The following PLCG1 variants were observed in gnomAD, a reference collection of about 807,000 sequenced individuals.
PLCG1 encodes 1-phosphatidylinositol 4,5-bisphosphate phosphodiesterase gamma-1.
In PLCG1, 71 loss-of-function variants were observed where a neutral mutation model predicts 177.8. The observed-to-expected ratio is 0.40, with a 90% confidence interval of 0.33 to 0.49. The LOEUF is 0.49. Ranked by LOEUF, PLCG1 falls within the 20% of genes least tolerant of loss-of-function variation. PLCG1 has a pLI of 0.72. For missense variants in PLCG1, 1,281 were observed against 1,709.0 expected (o/e 0.75, Z 4.42); for synonymous variants, 658 against 647.9 (o/e 1.02, Z -0.24).
At position 41,167,235 on chromosome 20, in the gene PLCG1, G is replaced by A. The variant is rs377006569; in HGVS notation, c.2301+376G>A. ...ACCCAAGAGTGGTTGTGGAGCCTCC[G>A]CCTGGTGGATGGTATGGAGGGCAGA... On this transcript the variant is annotated intron_variant, in intron 19 of 31. Coordinates refer to ENST00000685551, the MANE Select transcript of PLCG1 (RefSeq NM_002660.3). The surrounding 1 kb of genome is among the most constrained non-coding windows in gnomAD (Gnocchi z 4.4). 5.1e-4 allele frequency among the ~76,000 whole-genome samples: 77 copies of A among 152,296 alleles called. 1 individual carries two copies. Among genetic ancestry groups the A allele is most frequent in the East Asian group, 4.8e-3 (25 of 5,184 alleles).
chr20:41,172,208 A>G lies in PLCG1; in HGVS notation c.2824A>G (p.Ile942Val), dbSNP rs946321439. The G allele has an allele frequency of 1.2e-6, 2 of 1,613,736 alleles. No individual in the cohort carries two copies. Among genetic ancestry groups the G allele is most frequent in the Non-Finnish European group, 8.5e-7 (1 of 1,179,586 alleles). Reference protein sequence around the residue: ...TADARLTEGKIMERRKKIALE... With the variant: ...TADARLTEGKVMERRKKIALE... ...GTGTCACCAGCTCACTGAAGGGAAGATAATGGAACGGAGGAAGAAGATTGC... is the reference window on the plus strand; with the variant it reads ...GTGTCACCAGCTCACTGAAGGGAAGGTAATGGAACGGAGGAAGAAGATTGC... The change falls in exon 25 of 32, where the codon ATA (isoleucine) becomes GTA (valine). Residue 942 changes from isoleucine (I) to valine (V), a missense_variant. This residue lies in a region of PLCG1 where 723 missense variants were observed against 1,030.0 expected (regional missense o/e 0.70). Coordinates refer to ENST00000685551, the MANE Select transcript of PLCG1 (RefSeq NM_002660.3). The surrounding 1 kb of genome is among the most constrained non-coding windows in gnomAD (Gnocchi z 7.0).
In PLCG1 at chr20:41,165,458, T is replaced by G; in HGVS notation, c.1518T>G (p.Tyr506Ter). ...TCTTTGGTCTGTTCCAGGAATGGTA[T>G]CCCCACTACTTTGTTCTGACCAGCA... The part of the protein sequence containing the change: ...YLEDPVNHEW[Y>*]PHYFVLTSSK... The change falls in exon 15 of 32, where the codon TAT becomes TAG. Residue 506 changes from tyrosine to a stop codon, truncating the protein, a stop_gained. Transcript: ENST00000685551. LOFTEE classifies it high-confidence loss of function. This position sits in a 1 kb window ranked among gnomAD's most constrained non-coding sequence, Gnocchi z 6.6. 1 of 1,613,974 alleles carries G rather than the reference T, an allele frequency of 6.2e-7. No individual in the cohort carries two copies. The highest frequency in any genetic ancestry group is 8.5e-7 in the Non-Finnish European group (1 of 1,179,930).
rs1200925607 is a variant in PLCG1 at position 41,160,832 on chromosome 20, T to C, written c.512+679T>C. Among the ~76,000 whole-genome samples the C allele has an allele frequency of 2.0e-5, 3 of 152,162 alleles. No individual in the cohort carries two copies. Among genetic ancestry groups the C allele is most frequent in the Non-Finnish European group, 2.9e-5 (2 of 68,014 alleles). On this transcript the variant is annotated intron_variant, in intron 4 of 31. Transcript: ENST00000685551. The surrounding 1 kb of genome is among the most constrained non-coding windows in gnomAD (Gnocchi z 5.5). ...GGGGTGTGAGAGGCATTGAGGATAATAGTATGCTGTTTGGCTTGAGCAACT... is the reference window on the plus strand; with the variant it reads ...GGGGTGTGAGAGGCATTGAGGATAACAGTATGCTGTTTGGCTTGAGCAACT...
rs115790993 is a variant in PLCG1 at position 41,168,059 on chromosome 20, G to A, written c.2379+130G>A. The A allele has an allele frequency of 2.2e-3, 1,561 of 702,558 alleles. 22 individuals carry two copies. In the African/African-American group the frequency reaches 0.025, roughly 11 times the overall value. 43.5% of individuals were successfully genotyped at this position (702,558 alleles called of 1,614,324 possible). ...GGTTGTGGTTTTCCGAGGCCCAAGAGGTTGTGAGAGATGTGTGGTTGGTGA... is the reference window on the plus strand; with the variant it reads ...GGTTGTGGTTTTCCGAGGCCCAAGAAGTTGTGAGAGATGTGTGGTTGGTGA... On this transcript the variant is annotated intron_variant, in intron 20 of 31. Transcript: ENST00000685551.
Position 41,166,299 on chromosome 20 carries a change from C to T in PLCG1, c.1905C>T (p.Leu635=), listed in dbSNP as rs751430069. 6 of 1,614,090 alleles carry T rather than the reference C, an allele frequency of 3.7e-6. No individual in the cohort carries two copies. In the East Asian group the frequency reaches 1.3e-4, roughly 36 times the overall value. Residue 635 remains leucine, a synonymous_variant, in exon 17 of 32, where the codon CTC becomes CTT. Coordinates refer to ENST00000685551, the MANE Select transcript of PLCG1 (RefSeq NM_002660.3). This position sits in a 1 kb window ranked among gnomAD's most constrained non-coding sequence, Gnocchi z 8.6. ...DNLVFDSLYD[L]ITHYQQVPLR... ...TCGTCTTTGACTCCCTCTATGACCT[C>T]ATCACGCACTACCAGCAGGTGCCCC... is the stretch of plus-strand genomic sequence containing the variant.
rs3795130 is a variant in PLCG1 at position 41,141,396 on chromosome 20, G to T, written c.217+3538G>T. On this transcript the variant is annotated intron_variant, in intron 1 of 31. Transcript: ENST00000685551. The stretch of plus-strand genomic sequence containing the variant: ...GATGAAGAGGGTGAGGGTGGCGGAA[G>T]AAAACAGCTAACTGCCTTGATGAGG... Among the ~76,000 whole-genome samples, 205 of 152,388 alleles carry T rather than the reference G, an allele frequency of 1.3e-3. 3 individuals carry two copies. The East Asian group carries it at 0.03, about 23-fold the overall frequency.
chr20:41,162,907 C>G, intron 6 of PLCG1, 51 bp from the exon 7 acceptor site: 3 of 1,572,734 alleles, frequency 1.9e-6, no homozygotes, highest in Non-Finnish European at 2.6e-6. Context: ...TAGCCCATTT[C>G]CCACATGGCC....
Position 41,167,179 on chromosome 20 carries a change from G to T in PLCG1, c.2301+320G>T, listed in dbSNP as rs1348989559. On this transcript the variant is annotated intron_variant, in intron 19 of 31. Coordinates refer to ENST00000685551, the MANE Select transcript of PLCG1 (RefSeq NM_002660.3). The surrounding 1 kb of genome is among the most constrained non-coding windows in gnomAD (Gnocchi z 4.4). ...AACTCATCCACCTGGGCTTGGCCTG[G>T]ACTCTGTCCTAGGGCAGATGAGATG... Among the ~76,000 whole-genome samples the T allele has an allele frequency of 3.3e-5, 5 of 152,156 alleles. No individual in the cohort carries two copies. The highest frequency in any genetic ancestry group is 1.9e-4 in the East Asian group (1 of 5,192).
intron 22 of PLCG1, 49 bp from the exon 23 acceptor site, chr20:41,169,408 C>T: frequency 1.4e-6 from 2 of 1,394,298 alleles, no homozygotes; most frequent in East Asian, 2.3e-5. Context: ...TCCCCTCACA[C>T]ACATATGCAG....
rs763845243 is a variant in PLCG1 at position 41,159,690 on chromosome 20, C to T, written c.302C>T (p.Pro101Leu). Residue 101 changes from proline (P) to leucine (L), a missense_variant, in exon 2 of 32, where the codon CCG (proline) becomes CTG (leucine). Around this residue, in one of 4 missense-constraint regions of PLCG1, gnomAD observed 374 missense variants for 443.8 expected, o/e 0.84. Transcript: ENST00000685551. This position sits in a 1 kb window ranked among gnomAD's most constrained non-coding sequence, Gnocchi z 6.0. ...TATCAAGAGGACCCAGCTTTCCGGC[C>T]GGACCAGTCACATTGCTTTGTCATT... The part of the protein sequence containing the change: ...DRYQEDPAFR[P>L]DQSHCFVILY... The T allele has an allele frequency of 4.3e-6, 7 of 1,614,188 alleles. No individual in the cohort carries two copies. The highest frequency in any genetic ancestry group is 1.7e-5 in the Admixed American group (1 of 60,028).
Position 41,159,852 on chromosome 20 carries a change from T to C in PLCG1, c.371-18T>C, listed in dbSNP as rs1298775165. The C allele has an allele frequency of 6.2e-7, 1 of 1,613,630 alleles. No individual in the cohort carries two copies. Among genetic ancestry groups the C allele is most frequent in the Non-Finnish European group, 8.5e-7 (1 of 1,179,634 alleles). Reference sequence around the variant, plus strand: ...GAGGTATGTGCCCTCGGGGCAGCTATTGATACCTTGCTCACAGCCACATCT... The same window carrying C: ...GAGGTATGTGCCCTCGGGGCAGCTACTGATACCTTGCTCACAGCCACATCT... On this transcript the variant is annotated intron_variant, in intron 2 of 31. Transcript: ENST00000685551. This position sits in a 1 kb window ranked among gnomAD's most constrained non-coding sequence, Gnocchi z 6.0.
Position 41,166,609 on chromosome 20 carries a change from C to T in PLCG1, c.2120+14C>T. The stretch of plus-strand genomic sequence containing the variant: ...CATCTCTTTCCGGTGAGGGGTGTGG[C>T]ACTGGGTTGTGGGGCCTTGCTTGGG... On this transcript the variant is annotated intron_variant, in intron 18 of 31. Coordinates refer to ENST00000685551, the MANE Select transcript of PLCG1 (RefSeq NM_002660.3). The surrounding 1 kb of genome is among the most constrained non-coding windows in gnomAD (Gnocchi z 8.6). 1 of 1,614,116 alleles carries T rather than the reference C, an allele frequency of 6.2e-7. No homozygotes were observed. The highest frequency in any genetic ancestry group is 1.1e-5 in the South Asian group (1 of 91,062).
In PLCG1 at chr20:41,172,387, C is replaced by T. The variant is rs572929983; in HGVS notation, c.2906-34C>T. The T allele has an allele frequency of 1.6e-5, 25 of 1,594,868 alleles. No individual in the cohort carries two copies. The highest frequency in any genetic ancestry group is 4.4e-5 in the South Asian group (4 of 90,748). On this transcript the variant is annotated intron_variant, in intron 25 of 31. Coordinates refer to ENST00000685551, the MANE Select transcript of PLCG1 (RefSeq NM_002660.3). The surrounding 1 kb of genome is among the most constrained non-coding windows in gnomAD (Gnocchi z 7.0). Reference sequence around the variant, plus strand: ...ATCCCCCCAACACTTCCTGGGTGGGCGGGCTCTGTAAGTGTTTTCCCTGTT... The same window carrying T: ...ATCCCCCCAACACTTCCTGGGTGGGTGGGCTCTGTAAGTGTTTTCCCTGTT...
Position 41,165,280 on chromosome 20 carries a change from G to A in PLCG1, c.1422G>A (p.Glu474=). Residue 474 remains glutamate, a synonymous_variant, in exon 14 of 32, where the codon GAG becomes GAA. Transcript: ENST00000685551. The surrounding 1 kb of genome is among the most constrained non-coding windows in gnomAD (Gnocchi z 6.6). ...TGGCTGAGGGCAGTGCCTACGAGGA[G>A]GTGCCTACATCCATGATGTACTCTG... is the stretch of plus-strand genomic sequence containing the variant. ...KKLAEGSAYE[E]VPTSMMYSEN... is the part of the protein sequence containing the mutation. 2 of 1,614,074 alleles carry A rather than the reference G, an allele frequency of 1.2e-6. No individual in the cohort carries two copies. Among genetic ancestry groups the A allele is most frequent in the Non-Finnish European group, 1.7e-6 (2 of 1,179,956 alleles).
chr20:41,166,189 C>T lies in PLCG1; in HGVS notation c.1800-5C>T. The T allele has an allele frequency of 6.2e-7, 1 of 1,611,898 alleles. No homozygotes were observed. Among genetic ancestry groups the T allele is most frequent in the African/African-American group, 1.3e-5 (1 of 75,026 alleles). ...CCAGCCTCCCTCACTCTGTGTCTTC[C>T]ACAGGCGGAACGGGAAAGTCCAGCA... On this transcript the variant is annotated splice_polypyrimidine_tract_variant and splice_region_variant and intron_variant, in intron 16 of 31. Transcript: ENST00000685551. This position sits in a 1 kb window ranked among gnomAD's most constrained non-coding sequence, Gnocchi z 8.6.
intron 1 of PLCG1, among the ~76,000 whole-genome samples, chr20:41,154,394 C>A (rs12625708): frequency 0.21 from 31,373 of 152,224 alleles, 3,337 homozygotes; most frequent in South Asian, 0.29. Context: ...GTGTCTGCCC[C>A]CTAGGGCAGG....
rs1303867403 is a variant in PLCG1, at chr20:41,157,774, T to C, written c.218-1832T>C. On this transcript the variant is annotated intron_variant, in intron 1 of 31. Transcript: ENST00000685551. The surrounding 1 kb of genome is among the most constrained non-coding windows in gnomAD (Gnocchi z 5.4). ...AGCTATTCTTGCCCTAGGTGTGGCT[T>C]AGTGTGGATGGAGCAGAGAGGGTGA... Among the ~76,000 whole-genome samples the C allele has an allele frequency of 6.6e-6, 1 of 152,046 alleles. No individual in the cohort carries two copies. Among genetic ancestry groups the C allele is most frequent in the African/African-American group, 2.4e-5 (1 of 41,398 alleles).
chr20:41,142,130 T>C (rs780097250), intron 1 of PLCG1, among the ~76,000 whole-genome samples: 2 of 152,234 alleles, frequency 1.3e-5, no homozygotes, highest in South Asian at 4.1e-4. Context: ...GTGTGTTACA[T>C]ACCATAATAT....
chr20:41,149,634 G>T (rs1278511997), intron 1 of PLCG1, among the ~76,000 whole-genome samples: 1 of 152,214 alleles, frequency 6.6e-6, no homozygotes, highest in Non-Finnish European at 1.5e-5. Flanking sequence ...CTAGAGACCT[G>T]TTTGTGAATT....
Sources: allele counts gnomAD v4.1 joint callset (sites outside exome capture counted in the v4.1 genomes callset), GRCh38; gene constraint gnomAD v4.1.1; regional missense constraint gnomAD v4.1.1; non-coding constraint Gnocchi (gnomAD v3.1); transcripts MANE v1.5; gene names NCBI Gene and HGNC (gene_info 2026-07-23, HGNC 2026-07-21).